The following NPSR1 variants were observed in gnomAD, a reference collection of about 807,000 sequenced individuals.
NPSR1 encodes neuropeptide S receptor 1.
In NPSR1, 48 loss-of-function variants were observed where a neutral mutation model predicts 46.9. That is an observed-to-expected ratio of 1.02 (90% CI 0.81 to 1.30). The LOEUF (loss-of-function observed/expected upper bound fraction) is 1.30, where lower values mean the gene tolerates loss of function less well. NPSR1 is among the 50% of genes most tolerant of loss of function. NPSR1 has a pLI of 0.00. For missense variants in NPSR1, 450 were observed against 449.5 expected (o/e 1.00, Z -0.01); for synonymous variants, 176 against 168.1 (o/e 1.05, Z -0.36).
chr7:34,700,384 T>A (rs928724599), intron 2 of NPSR1, among the ~76,000 whole-genome samples: 1 of 152,112 alleles, frequency 6.6e-6, no homozygotes, highest in African/African-American at 2.4e-5. Flanking sequence ...AAACTAAACT[T>A]TGTGTTTACC....
chr7:34,865,301 G>A (rs549502283), intron 8 of NPSR1, among the ~76,000 whole-genome samples: 3 of 151,842 alleles, frequency 2.0e-5, no homozygotes, highest in African/African-American at 7.3e-5. Context: ...AAAATCTCTG[G>A]AAGGGCTGAT....
intron 2 of NPSR1, among the ~76,000 whole-genome samples, chr7:34,730,160 G>C (rs926565760): frequency 6.6e-6 from 1 of 152,192 alleles, no homozygotes. Context: ...TTTAATAATT[G>C]AAAATCCATT....
intron 3 of NPSR1, 67 bp from the exon 4 acceptor site, chr7:34,811,703 T>G (rs1395636062): frequency 9.1e-7 from 1 of 1,093,348 alleles, no homozygotes; most frequent in African/African-American, 1.6e-5. Flanking sequence ...CAAGGTGCTA[T>G]TCTTTCCATT....
chr7:34,676,557 A>T (rs1485282655), intron 1 of NPSR1, among the ~76,000 whole-genome samples: 1 of 151,964 alleles, frequency 6.6e-6, no homozygotes, highest in Non-Finnish European at 1.5e-5. Context: ...TGCACGCATA[A>T]TACGGCTGCG....
At chr7:34,706,364 ACTGT>A (rs67023314) in intron 2 of NPSR1, among the ~76,000 whole-genome samples, 61,561 of 151,386 alleles carry the variant, frequency 0.41, 13,044 homozygotes, top group African/African-American at 0.53. Flanking sequence ...AGGAACTCTA[ACTGT>A]CTGTCTATAT....
At chr7:34,691,769 A>G (rs1168002142) in intron 2 of NPSR1, among the ~76,000 whole-genome samples, 1 of 152,176 alleles carries the variant, frequency 6.6e-6, no homozygotes, top group Admixed American at 6.5e-5. Flanking sequence ...GTGGTCTTCA[A>G]TACTCCACTG....
At chr7:34,823,414 A>C (rs1197969513) in intron 4 of NPSR1, among the ~76,000 whole-genome samples, 2 of 147,472 alleles carry the variant, frequency 1.4e-5, no homozygotes, top group Non-Finnish European at 3.0e-5. Flanking sequence ...AAAAAAAAAA[A>C]AACAACACCA....
chr7:34,757,200 T>C (rs1785909452), intron 2 of NPSR1, among the ~76,000 whole-genome samples: 2 of 152,124 alleles, frequency 1.3e-5, no homozygotes, highest in South Asian at 4.1e-4. Flanking sequence ...TGCATCAAGC[T>C]CCAATAAACA....
intron 2 of NPSR1, among the ~76,000 whole-genome samples, chr7:34,703,660 G>T (rs1027043085): frequency 6.6e-5 from 10 of 152,020 alleles, no homozygotes; most frequent in African/African-American, 1.2e-4. Flanking sequence ...AATCTTGGCT[G>T]TAGACTTAAT....
chr7:34,719,927 A>C (rs1179375694), intron 2 of NPSR1: 1 of 152,094 alleles, frequency 6.6e-6, no homozygotes, highest in Non-Finnish European at 1.5e-5. Context: ...CTGCATTAGG[A>C]AACACCAAGC....
At chr7:34,791,074 ATATGT>A (rs1408998176) in intron 3 of NPSR1, among the ~76,000 whole-genome samples, 4 of 111,104 alleles carry the variant, frequency 3.6e-5, no homozygotes, top group Non-Finnish European at 5.0e-5. Flanking sequence ...ATTATATTAT[ATATGT>A]TATATGTTAT....
chr7:34,752,240 T>G (rs324969), intron 2 of NPSR1, among the ~76,000 whole-genome samples: 77,280 of 151,914 alleles, frequency 0.51, 19,937 homozygotes, highest in East Asian at 0.56. Flanking sequence ...GAGTCCTAAA[T>G]ACCTTCCTCT....
chr7:34,833,482 G>A (rs1056513172), intron 5 of NPSR1, among the ~76,000 whole-genome samples: 3 of 152,172 alleles, frequency 2.0e-5, no homozygotes, highest in Non-Finnish European at 4.4e-5. Flanking sequence ...CACCGTACTT[G>A]GCACTTTAAA....
chr7:34,804,622 A>C (rs1455477854), intron 3 of NPSR1, among the ~76,000 whole-genome samples: 1 of 152,054 alleles, frequency 6.6e-6, no homozygotes, highest in Admixed American at 6.6e-5. Context: ...AACAAGGTAA[A>C]GATGTCCTCT....
chr7:34,752,791 C>T lies in NPSR1; in HGVS notation c.281-25671C>T, dbSNP rs146954622. Among the ~76,000 whole-genome samples the T allele has an allele frequency of 6.9e-3, 1,056 of 152,274 alleles. 14 individuals carry two copies. The highest frequency in any genetic ancestry group is 0.031 in the Middle Eastern group (9 of 292). On this transcript the variant is annotated intron_variant, in intron 2 of 8. Coordinates refer to ENST00000360581, the MANE Select transcript of NPSR1 (RefSeq NM_207172.2). ...ACTTCATGCCTTTGCACACACTGCT[C>T]TCTCTACCTGGATGCCCTTCTCTCA...
chr7:34,708,458 G>A (rs1335727531), intron 2 of NPSR1, among the ~76,000 whole-genome samples: 2 of 152,162 alleles, frequency 1.3e-5, no homozygotes, highest in African/African-American at 4.8e-5. Context: ...CAGGTAAGAT[G>A]GATACTTCAA....
chr7:34,690,862 C>T (rs1295070758), intron 2 of NPSR1, among the ~76,000 whole-genome samples: 5 of 151,976 alleles, frequency 3.3e-5, no homozygotes, highest in Non-Finnish European at 2.9e-5. Context: ...AACCCAGATA[C>T]AAGAAACTCA....
chr7:34,769,317 G>A (rs978103658), intron 2 of NPSR1, among the ~76,000 whole-genome samples: 6 of 152,018 alleles, frequency 3.9e-5, no homozygotes, highest in African/African-American at 1.5e-4. Flanking sequence ...CTTCTGCATA[G>A]TTTCCTAATT....
chr7:34,826,909 A>C (rs1394643891), intron 4 of NPSR1, among the ~76,000 whole-genome samples: 4 of 151,412 alleles, frequency 2.6e-5, no homozygotes, highest in South Asian at 2.1e-4. Context: ...AAAAGAAAGA[A>C]GTTTCCTTCC....
Sources: allele counts gnomAD v4.1 joint callset (sites outside exome capture counted in the v4.1 genomes callset), GRCh38; gene constraint gnomAD v4.1.1; transcripts MANE v1.5; gene names NCBI Gene and HGNC (gene_info 2026-07-23, HGNC 2026-07-21).